SLCO3A1: variants seen among roughly 807,000 people sequenced by gnomAD.
SLCO3A1 encodes solute carrier organic anion transporter family member 3A1.
SLCO3A1 carries 27 observed loss-of-function variants against 63.1 expected under a neutral mutation model. The observed-to-expected ratio is 0.43, with a 90% confidence interval of 0.32 to 0.59. SLCO3A1 has a LOEUF of 0.59. Ranked by LOEUF, SLCO3A1 falls within the 20% of genes least tolerant of loss-of-function variation. The pLI, the probability that SLCO3A1 is intolerant of heterozygous loss-of-function variation, is 0.09. For missense variants in SLCO3A1, 773 were observed against 945.8 expected (o/e 0.82, Z 2.40); for synonymous variants, 473 against 409.9 (o/e 1.15, Z -1.86).
chr15:92,165,654 G>A lies in SLCO3A1; in HGVS notation c.*2519G>A, dbSNP rs1477585741. The A allele has an allele frequency of 2.0e-6, 2 of 985,294 alleles. No homozygotes were observed. The highest frequency in any genetic ancestry group is 1.7e-5 in the African/African-American group (1 of 57,234). The allele number at this position is 985,294 out of a possible 1,614,324, so 61.0% of individuals were successfully genotyped here. On this transcript the variant is annotated 3_prime_UTR_variant, in exon 10 of 10. Transcript: ENST00000318445. ...ATTGGGTATAAATTTAAAGACCGCT[G>A]TTGCAGGATGGCTCTGAATTCTGTT...
chr15:91,891,155 A>T (rs994821923), intron 1 of SLCO3A1, among the ~76,000 whole-genome samples: 19 of 148,034 alleles, frequency 1.3e-4, no homozygotes, highest in African/African-American at 4.9e-4. Flanking sequence ...AAAAAAAAAA[A>T]GAGTGATAGA....
At chr15:92,132,082 A>T (rs1054864869) in intron 7 of SLCO3A1, among the ~76,000 whole-genome samples, 8 of 145,612 alleles carry the variant, frequency 5.5e-5, no homozygotes, top group African/African-American at 2.0e-4. Flanking sequence ...AGAGAGCCCC[A>T]GGGATCCAGG....
chr15:92,154,215 C>T (rs367854514), intron 9 of SLCO3A1, among the ~76,000 whole-genome samples: 5 of 152,280 alleles, frequency 3.3e-5, no homozygotes, highest in African/African-American at 7.2e-5. Context: ...CATTATTCTC[C>T]AAGTGGAAGC....
intron 7 of SLCO3A1, among the ~76,000 whole-genome samples, chr15:92,142,883 A>G (rs2048153130): frequency 6.6e-6 from 1 of 152,124 alleles, no homozygotes; most frequent in South Asian, 2.1e-4. Flanking sequence ...AATATAATAT[A>G]ATCGAGCCAT....
At chr15:91,944,306 G>A (rs1899725355) in intron 2 of SLCO3A1, among the ~76,000 whole-genome samples, 1 of 152,124 alleles carries the variant, frequency 6.6e-6, no homozygotes, top group South Asian at 2.1e-4. Context: ...TGGAATGTGA[G>A]CCCCTTACAG....
At chr15:92,131,152 GGGATCT>G (rs2047990719) in intron 7 of SLCO3A1, among the ~76,000 whole-genome samples, 1 of 152,148 alleles carries the variant, frequency 6.6e-6, no homozygotes, top group South Asian at 2.1e-4. Flanking sequence ...TAGGAAGTGG[GGGATCT>G]GGCTTTTGAA....
At chr15:91,867,963 G>C (rs1456588059) in intron 1 of SLCO3A1, among the ~76,000 whole-genome samples, 1 of 152,230 alleles carries the variant, frequency 6.6e-6, no homozygotes, top group Non-Finnish European at 1.5e-5. Context: ...GAGCTAGCTG[G>C]AAAGCTCTGT....
chr15:92,002,266 G>A (rs538231669), intron 2 of SLCO3A1, among the ~76,000 whole-genome samples: 14 of 152,250 alleles, frequency 9.2e-5, no homozygotes, highest in Non-Finnish European at 1.8e-4. Flanking sequence ...TAAGCAGCCA[G>A]GGCCCTGTTC....
intron 7 of SLCO3A1, among the ~76,000 whole-genome samples, chr15:92,139,535 A>C (rs966166293): frequency 4.0e-5 from 6 of 151,772 alleles, no homozygotes; most frequent in Non-Finnish European, 5.9e-5. Context: ...TGATTGGAAT[A>C]GTTTCAGAAG....
At chr15:92,147,255 C>T in intron 8 of SLCO3A1, 96 bp downstream of exon 8, 4 of 1,277,978 alleles carry the variant, frequency 3.1e-6, no homozygotes, top group East Asian at 2.4e-5. Context: ...AGGAATCTCT[C>T]GAACCAGGTG....
intron 2 of SLCO3A1, among the ~76,000 whole-genome samples, chr15:92,026,951 G>A (rs189199883): frequency 1.6e-3 from 248 of 152,264 alleles, no homozygotes; most frequent in South Asian, 3.5e-3. Context: ...CTAGCTTGGT[G>A]TGGTGGTGCA....
intron 7 of SLCO3A1, among the ~76,000 whole-genome samples, chr15:92,130,174 A>G (rs1004638359): frequency 1.3e-5 from 2 of 152,248 alleles, no homozygotes; most frequent in Admixed American, 1.3e-4. Context: ...TTATCTTAAA[A>G]ATTGCATTTC....
chr15:91,901,126 A>C (rs115228098), intron 1 of SLCO3A1, among the ~76,000 whole-genome samples: 328 of 151,490 alleles, frequency 2.2e-3, no homozygotes, highest in African/African-American at 7.6e-3. Context: ...CTCATGTTTC[A>C]TTTCAATTCC....
intron 2 of SLCO3A1, among the ~76,000 whole-genome samples, chr15:91,957,449 G>T (rs182749053): frequency 6.6e-6 from 1 of 151,804 alleles, no homozygotes; most frequent in South Asian, 2.1e-4. Context: ...CTGTGATGGG[G>T]TCAGTCTGCC....
At chr15:92,016,192 T>C (rs2046423846) in intron 2 of SLCO3A1, among the ~76,000 whole-genome samples, 1 of 111,850 alleles carries the variant, frequency 8.9e-6, no homozygotes, top group African/African-American at 3.2e-5. Flanking sequence ...AGATTTGTTG[T>C]ATATATATTT....
At chr15:91,940,974 G>T (rs1345414097) in intron 2 of SLCO3A1, among the ~76,000 whole-genome samples, 1 of 152,124 alleles carries the variant, frequency 6.6e-6, no homozygotes, top group Non-Finnish European at 1.5e-5. Context: ...TTTGCCCTTG[G>T]GCTTTGCCAC....
At position 92,065,671 on chromosome 15, in the gene SLCO3A1, C is replaced by T. The variant is rs529967627; in HGVS notation, c.647-29210C>T. 2.7e-4 allele frequency among the ~76,000 whole-genome samples: 41 copies of T among 152,154 alleles called. 1 individual carries two copies. The highest frequency in any genetic ancestry group is 2.6e-3 in the Admixed American group (40 of 15,298). On this transcript the variant is annotated intron_variant, in intron 2 of 9. Transcript: ENST00000318445. ...TTAAGGGGGATCCATGTGCTCAAAC[C>T]CCTTTATAGCTCTTTTCAAGAAATC...
rs1213597867 is a variant in SLCO3A1 at position 91,856,775 on chromosome 15, A to G, written c.180+2687A>G. Among the ~76,000 whole-genome samples the G allele has an allele frequency of 1.3e-5, 2 of 152,164 alleles. No homozygotes were observed. On this transcript the variant is annotated intron_variant, in intron 1 of 9. Coordinates refer to ENST00000318445, the MANE Select transcript of SLCO3A1 (RefSeq NM_013272.4). The surrounding 1 kb of genome is among the most constrained non-coding windows in gnomAD (Gnocchi z 4.9). ...GGACTTGCCTTGGGACAGTGCCAGT[A>G]ATGCTCCCTTTCACAGAGAGGAGGG...
At chr15:91,902,135 T>C (rs1292922199) in intron 1 of SLCO3A1, among the ~76,000 whole-genome samples, 1 of 152,234 alleles carries the variant, frequency 6.6e-6, no homozygotes, top group Non-Finnish European at 1.5e-5. Context: ...GTTTCATTTA[T>C]TATACTTTTC....
Sources: gnomAD v4.1 joint callset for allele counts (sites outside exome capture counted in the v4.1 genomes callset) on GRCh38, gnomAD v4.1.1 for gene constraint, Gnocchi (gnomAD v3.1) non-coding constraint, MANE v1.5 for transcripts, NCBI Gene and HGNC (gene_info 2026-07-23, HGNC 2026-07-21) for gene names.